FBN2: variants seen among roughly 807,000 people sequenced by gnomAD.
FBN2 encodes fibrillin-2.
A neutral mutation model predicts 355.6 loss-of-function variants in FBN2; 105 were observed. That is an observed-to-expected ratio of 0.30 (90% CI 0.25 to 0.35). The LOEUF is 0.35. Among genes scored for constraint, FBN2 ranks in the 10% least tolerant of loss-of-function variants. The probability of loss-of-function intolerance (pLI) is 1.00; values close to 1 mark genes in which losing one functional copy is unlikely to be tolerated. For synonymous variants in FBN2, 1,350 were observed against 1,301.2 expected (o/e 1.04, Z -0.81); for missense variants, 3,280 against 3,758.7 (o/e 0.87, Z 3.33).
rs775873383 is a variant in FBN2, at chr5:128,259,658, G to A, written c.8536C>T (p.Arg2846Cys). 27 of 1,613,888 alleles carry A rather than the reference G, an allele frequency of 1.7e-5. No homozygotes were observed. The highest frequency in any genetic ancestry group is 1.6e-4 in the Middle Eastern group (1 of 6,082). Residue 2846 changes from arginine to cysteine, a missense_variant, in exon 65 of 65, where the codon CGC becomes TGC. Around this residue, in one of 6 missense-constraint regions of FBN2, gnomAD observed 311 missense variants for 319.1 expected, o/e 0.97. Transcript: ENST00000262464. ...CTGAGCCCATTCCTTTGGTGGATGC[G>A]GAAGACGCTGTCATCGTTCCCTTGA... is the stretch of plus-strand genomic sequence containing the variant. ...ISQGNDDSVF[R>C]IHQRNGLSYL...
chr5:128,371,993 T>C (rs1379679657), intron 15 of FBN2, among the ~76,000 whole-genome samples: 1 of 152,242 alleles, frequency 6.6e-6, no homozygotes, highest in Admixed American at 6.5e-5. Flanking sequence ...GCAGCAACTC[T>C]TAAGACTATG....
chr5:128,324,592 A>G (rs1187651379), intron 34 of FBN2, among the ~76,000 whole-genome samples: 1 of 149,370 alleles, frequency 6.7e-6, no homozygotes, highest in East Asian at 1.9e-4. Flanking sequence ...ATAGTTGTGC[A>G]GTTTTGAGTG....
intron 7 of FBN2, among the ~76,000 whole-genome samples, chr5:128,411,506 A>T (rs1243964689): frequency 1.3e-5 from 2 of 152,122 alleles, no homozygotes; most frequent in African/African-American, 2.4e-5. Flanking sequence ...CTCCTCTCTG[A>T]CCGTCCCCAG....
chr5:128,454,529 T>C (rs1265674992), intron 6 of FBN2, among the ~76,000 whole-genome samples: 2 of 152,192 alleles, frequency 1.3e-5, no homozygotes, highest in African/African-American at 4.8e-5. Flanking sequence ...CAAGTTTACT[T>C]TTTACTTGGC....
At chr5:128,329,373 A>C (rs1234603457) in intron 33 of FBN2, among the ~76,000 whole-genome samples, 3 of 152,154 alleles carry the variant, frequency 2.0e-5, no homozygotes, top group Admixed American at 6.5e-5. Context: ...AAGATAATTT[A>C]ATTCTATCAA....
intron 64 of FBN2, among the ~76,000 whole-genome samples, chr5:128,260,364 T>C (rs1234939963): frequency 6.6e-6 from 1 of 151,996 alleles, no homozygotes; most frequent in Non-Finnish European, 1.5e-5. Context: ...ATCTGCAGAG[T>C]TCTCAGGGCT....
intron 8 of FBN2, among the ~76,000 whole-genome samples, chr5:128,398,304 A>G (rs1358100278): frequency 6.6e-6 from 1 of 151,858 alleles, no homozygotes; most frequent in African/African-American, 2.4e-5. Flanking sequence ...CTAGTTAAGT[A>G]ACCAGTATAT....
intron 7 of FBN2, among the ~76,000 whole-genome samples, chr5:128,440,541 G>A (rs1026890311): frequency 1.3e-5 from 2 of 152,118 alleles, no homozygotes; most frequent in Non-Finnish European, 2.9e-5. Context: ...CAGCAAGGAA[G>A]AAATCTGCCC....
chr5:128,373,089 C>G (rs1751987240), intron 15 of FBN2, among the ~76,000 whole-genome samples: 1 of 152,092 alleles, frequency 6.6e-6, no homozygotes, highest in Admixed American at 6.6e-5. Context: ...TGATGAAAAA[C>G]TGAAGGAGGC....
At chr5:128,346,654 C>T (rs1453939285) in intron 23 of FBN2, among the ~76,000 whole-genome samples, 2 of 151,872 alleles carry the variant, frequency 1.3e-5, no homozygotes, top group Non-Finnish European at 2.9e-5. Flanking sequence ...GTTGCCCAGA[C>T]CAGGTGTGGC....
intron 7 of FBN2, among the ~76,000 whole-genome samples, chr5:128,430,390 T>A (rs2127029536): frequency 1.3e-5 from 2 of 152,322 alleles, no homozygotes; most frequent in Middle Eastern, 3.4e-3. Context: ...TTTGTTATAT[T>A]TGGCTTACTT....
chr5:128,393,462 C>T, intron 9 of FBN2, 94 bp from the exon 10 acceptor site: 2 of 946,626 alleles, frequency 2.1e-6, no homozygotes, highest in Non-Finnish European at 1.7e-6. Context: ...TTTGGGTTAC[C>T]TATACTACAC....
chr5:128,300,656 A>G (rs545472951), intron 48 of FBN2, among the ~76,000 whole-genome samples, 161 bp downstream of exon 48: 2 of 152,352 alleles, frequency 1.3e-5, no homozygotes, highest in Admixed American at 1.3e-4. Flanking sequence ...TATTCTCACC[A>G]TCATTTCTGA....
intron 10 of FBN2, among the ~76,000 whole-genome samples, 181 bp from the exon 11 acceptor site, chr5:128,392,336 A>C: frequency 6.6e-6 from 1 of 152,232 alleles, no homozygotes; most frequent in East Asian, 1.9e-4. Context: ...ACATGGTTGC[A>C]ACTTGTATCT....
In FBN2 at chr5:128,287,345, A is replaced by T. The variant is rs770011418; in HGVS notation, c.6843T>A (p.Ile2281=). The change falls in exon 54 of 65, where the codon ATT becomes ATA. Residue 2281 remains isoleucine (I), a synonymous_variant. Coordinates refer to ENST00000262464, the MANE Select transcript of FBN2 (RefSeq NM_001999.4). ...TTTGATCTTCCCTGAGGGCATAGCC[A>T]ATCGGGCACGTGCATTCATAGGACC... ...TFGSYECTCP[I]GYALREDQKM... The T allele has an allele frequency of 1.9e-6, 3 of 1,614,058 alleles. No individual in the cohort carries two copies. Among genetic ancestry groups the T allele is most frequent in the Non-Finnish European group, 1.7e-6 (2 of 1,179,926 alleles).
intron 6 of FBN2, among the ~76,000 whole-genome samples, chr5:128,463,270 AG>A (rs1005561694): frequency 6.6e-6 from 1 of 152,136 alleles, no homozygotes; most frequent in African/African-American, 2.4e-5. Flanking sequence ...TTGCACTACC[AG>A]GAACTCTATA....
At chr5:128,393,012 AACACAC>A in intron 10 of FBN2, 117 bp downstream of exon 10, 1 of 800,450 alleles carries the variant, frequency 1.2e-6, no homozygotes. Flanking sequence ...CGCACCCACA[AACACAC>A]ACACACATGT....
Position 128,344,285 on chromosome 5 carries a change from T to C in FBN2, c.3343+100A>G, listed in dbSNP as rs780365997. On this transcript the variant is annotated intron_variant, in intron 25 of 64. Coordinates refer to ENST00000262464, the MANE Select transcript of FBN2 (RefSeq NM_001999.4). ...ATTAATAAATAAATAAAAATTTTCA[T>C]GTTCTCAATGAGAGGATTAGCTTTT... 9 of 1,212,236 alleles carry C rather than the reference T, an allele frequency of 7.4e-6. No individual in the cohort carries two copies. The African/African-American group carries it at 9.1e-5, about 12-fold the overall frequency. The allele number at this position is 1,212,236 out of a possible 1,614,324, so 75.1% of individuals were successfully genotyped here.
At chr5:128,452,078 T>G (rs1314040552) in intron 6 of FBN2, among the ~76,000 whole-genome samples, 2 of 152,046 alleles carry the variant, frequency 1.3e-5, no homozygotes, top group African/African-American at 4.8e-5. Flanking sequence ...TTAAAAGAAA[T>G]TATATAGAAA....
Sources: gnomAD v4.1 joint callset for allele counts (sites outside exome capture counted in the v4.1 genomes callset) on GRCh38, gnomAD v4.1.1 for gene constraint, gnomAD v4.1.1 regional missense constraint, MANE v1.5 for transcripts, NCBI Gene and HGNC (gene_info 2026-07-23, HGNC 2026-07-21) for gene names.